GSN: variants seen among roughly 807,000 people sequenced by gnomAD.
GSN encodes gelsolin.
In GSN, 56 loss-of-function variants were observed where a neutral mutation model predicts 85.7. That is an observed-to-expected ratio of 0.65 (90% CI 0.53 to 0.82). GSN has a LOEUF of 0.82. GSN is among the 40% of genes least tolerant of loss of function. GSN has a pLI of 0.00. For synonymous variants in GSN, 373 were observed against 399.1 expected (o/e 0.93, Z 0.78); for missense variants, 857 against 979.8 (o/e 0.87, Z 1.67).
intron 1 of GSN, among the ~76,000 whole-genome samples, chr9:121,274,192 T>C (rs2056369223): frequency 6.6e-6 from 1 of 152,224 alleles, no homozygotes; most frequent in Non-Finnish European, 1.5e-5. Context: ...ATCTGGGCAC[T>C]AGGCTGTACC....
chr9:121,212,327 G>A (rs1451919384), intron 4 of GSN, among the ~76,000 whole-genome samples: 1 of 152,124 alleles, frequency 6.6e-6, no homozygotes, highest in Admixed American at 6.5e-5. Context: ...ATCTCTCTGG[G>A]CCTCAGTTTC....
chr9:121,243,394 G>T (rs1245859649), intron 5 of GSN, among the ~76,000 whole-genome samples: 1 of 152,134 alleles, frequency 6.6e-6, no homozygotes, highest in Non-Finnish European at 1.5e-5. Flanking sequence ...AATCACATCT[G>T]CAAAATCCCT....
intron 4 of GSN, chr9:121,222,787 T>G (rs2132116324): frequency 6.6e-6 from 1 of 152,118 alleles, no homozygotes; most frequent in Non-Finnish European, 1.5e-5. Context: ...GAGTAAAAGT[T>G]TATTAAAATT....
chr9:121,225,628 C>T (rs969842604), intron 4 of GSN, among the ~76,000 whole-genome samples: 1 of 152,208 alleles, frequency 6.6e-6, no homozygotes, highest in African/African-American at 2.4e-5. Flanking sequence ...ACTAGCCACA[C>T]CCAGATTAGA....
chr9:121,274,285 A>G (rs2056383970), intron 1 of GSN, among the ~76,000 whole-genome samples: 1 of 152,096 alleles, frequency 6.6e-6, no homozygotes, highest in Non-Finnish European at 1.5e-5. Flanking sequence ...ATAAATGCCC[A>G]CCCGAGTTTT....
At chr9:121,288,322 G>C (rs574206917) in intron 2 of GSN, among the ~76,000 whole-genome samples, 15 of 152,296 alleles carry the variant, frequency 9.8e-5, no homozygotes, top group African/African-American at 3.4e-4. Flanking sequence ...TCCTCTGTAT[G>C]AGAGGGAATA....
intron 4 of GSN, among the ~76,000 whole-genome samples, chr9:121,221,910 G>T (rs2054177183): frequency 6.6e-6 from 1 of 152,262 alleles, no homozygotes; most frequent in Non-Finnish European, 1.5e-5. Flanking sequence ...GAAAAAACAG[G>T]TCTGCTGGGA....
chr9:121,251,222 C>T (rs1268857602), intron 6 of GSN, among the ~76,000 whole-genome samples: 1 of 86,760 alleles, frequency 1.2e-5, no homozygotes, highest in Non-Finnish European at 2.0e-5. Context: ...TCACTCTTCA[C>T]CCAGGCTGAA....
intron 4 of GSN, among the ~76,000 whole-genome samples, chr9:121,228,829 C>A (rs561980745): frequency 6.6e-6 from 1 of 152,296 alleles, no homozygotes; most frequent in South Asian, 2.1e-4. Context: ...GTTTTTAAAT[C>A]TCTGTGTGCA....
intron 6 of GSN, among the ~76,000 whole-genome samples, chr9:121,262,305 C>T (rs981981537): frequency 6.6e-6 from 1 of 152,222 alleles, no homozygotes; most frequent in African/African-American, 2.4e-5. Context: ...CTCTACCACT[C>T]ACCTAGCTGT....
intron 5 of GSN, among the ~76,000 whole-genome samples, chr9:121,233,512 C>G (rs1342962585): frequency 6.6e-6 from 1 of 151,970 alleles, no homozygotes; most frequent in Non-Finnish European, 1.5e-5. Context: ...GCCAGGCACA[C>G]AGAATAAGAC....
At chr9:121,278,920 T>C (rs2056993889) in intron 1 of GSN, among the ~76,000 whole-genome samples, 2 of 152,242 alleles carry the variant, frequency 1.3e-5, no homozygotes, top group African/African-American at 4.8e-5. Flanking sequence ...CTGCACTCTT[T>C]GCCGGCTCTG....
chr9:121,317,308 G>T, intron 8 of GSN, 90 bp downstream of exon 8: 1 of 1,377,008 alleles, frequency 7.3e-7, no homozygotes. Context: ...CCCGGGGAGT[G>T]TGGAGTGTGC....
chr9:121,229,090 T>G (rs1483636470), intron 4 of GSN, among the ~76,000 whole-genome samples: 1 of 152,196 alleles, frequency 6.6e-6, no homozygotes, highest in Admixed American at 6.5e-5. Context: ...TGATATATCC[T>G]TTATAGCTTT....
In GSN at chr9:121,302,187, GC is replaced by G; in HGVS notation, c.196+24del. 2 of 1,612,034 alleles carry G rather than the reference GC, an allele frequency of 1.2e-6. No homozygotes were observed. Among genetic ancestry groups the G allele is most frequent in the Non-Finnish European group, 8.5e-7 (1 of 1,178,906 alleles). On this transcript the variant is annotated intron_variant, in intron 3 of 17. Coordinates refer to ENST00000432226, the MANE Select transcript of GSN (RefSeq NM_198252.3). Reference sequence around the variant, plus strand: ...GGCTGGGTGAGGCTGGCCCTGCCCAGCCCCTGCCCCAGCCCCCATTCTGAAC... The same window carrying G: ...GGCTGGGTGAGGCTGGCCCTGCCCAGCCCTGCCCCAGCCCCCATTCTGAAC...
At chr9:121,320,432 G>C (rs183300114) in intron 10 of GSN, among the ~76,000 whole-genome samples, 78 of 152,274 alleles carry the variant, frequency 5.1e-4, no homozygotes, top group African/African-American at 1.6e-3. Flanking sequence ...ATCACCTGAG[G>C]TCAGGAGTTC....
rs1009702590 is a variant in GSN, at chr9:121,326,855, C to T, written c.1587+173C>T. 1.2e-5 allele frequency: 9 copies of T among 776,976 alleles called. No homozygotes were observed. The Admixed American group carries it at 1.2e-4, about 11-fold the overall frequency. The allele number at this position is 776,976 out of a possible 1,614,324, so 48.1% of individuals were successfully genotyped here. A position where few individuals can be genotyped will look rare whatever the true frequency, so the allele number is the denominator to read the frequency against. ...CAGGGTTGTCTGTCTTAGACTCCCC[C>T]CTGTTTCAAGGATACCCAGTGTCCC... is the stretch of plus-strand genomic sequence containing the variant. On this transcript the variant is annotated intron_variant, in intron 13 of 17. Coordinates refer to ENST00000432226, the MANE Select transcript of GSN (RefSeq NM_198252.3).
At chr9:121,326,889 T>G (rs1487271041) in intron 13 of GSN, 3 of 734,712 alleles carry the variant, frequency 4.1e-6, no homozygotes, top group Non-Finnish European at 5.1e-6. Context: ...CCTTGCACAC[T>G]TTGCACAGTG....
At chr9:121,277,281 A>C (rs1291133951) in intron 1 of GSN, among the ~76,000 whole-genome samples, 1 of 152,194 alleles carries the variant, frequency 6.6e-6, no homozygotes, top group Non-Finnish European at 1.5e-5. Context: ...GATTTTATGA[A>C]CTGTGTTTCA....
Sources: gnomAD v4.1 joint callset for allele counts (sites outside exome capture counted in the v4.1 genomes callset) on GRCh38, gnomAD v4.1.1 for gene constraint, MANE v1.5 for transcripts, NCBI Gene and HGNC (gene_info 2026-07-23, HGNC 2026-07-21) for gene names.